The following SDK2 variants were observed in gnomAD, a reference collection of about 807,000 sequenced individuals.
SDK2 encodes the protein protein sidekick-2.
A neutral mutation model predicts 253.9 loss-of-function variants in SDK2; 105 were observed. The ratio of observed to expected loss-of-function variants is 0.41; its 90% confidence interval spans 0.35 to 0.49. SDK2 has a LOEUF of 0.49. SDK2 is among the 20% of genes least tolerant of loss of function. The probability of loss-of-function intolerance (pLI) is 0.06; values close to 1 mark genes in which losing one functional copy is unlikely to be tolerated. For synonymous variants in SDK2, 1,249 were observed against 1,234.9 expected (o/e 1.01, Z -0.24); for missense variants, 2,608 against 3,003.0 (o/e 0.87, Z 3.07).
chr17:73,359,601 C>T (rs1022023747), intron 39 of SDK2, among the ~76,000 whole-genome samples: 27 of 152,170 alleles, frequency 1.8e-4, no homozygotes, highest in Non-Finnish European at 3.1e-4. Context: ...GCATGTTCCC[C>T]GCCTGCAGAC....
At position 73,379,052 on chromosome 17, in the gene SDK2, C is replaced by T. The variant is rs552408220; in HGVS notation, c.4980+125G>A. 1.2e-4 allele frequency: 82 copies of T among 699,928 alleles called. No homozygotes were observed. Among genetic ancestry groups the T allele is most frequent in the African/African-American group, 7.8e-4 (44 of 56,418 alleles). 43.4% of individuals were successfully genotyped at this position (699,928 alleles called of 1,614,324 possible). On this transcript the variant is annotated intron_variant, in intron 36 of 44. Transcript: ENST00000392650. This position sits in a 1 kb window ranked among gnomAD's most constrained non-coding sequence, Gnocchi z 4.5. ...AGGTGTACCACAGAGCCTGAAGGGC[C>T]GAGGAGCTGGCTGGATGAATGGAGG...
At chr17:73,607,468 A>G (rs989266126) in intron 1 of SDK2, among the ~76,000 whole-genome samples, 1 of 152,052 alleles carries the variant, frequency 6.6e-6, no homozygotes, top group African/African-American at 2.4e-5. Context: ...CCCTTAAGAC[A>G]AAGATTGCTG....
Position 73,632,983 on chromosome 17 carries a change from C to T in SDK2, c.64+11042G>A, listed in dbSNP as rs1427783769. 2.0e-5 allele frequency among the ~76,000 whole-genome samples: 3 copies of T among 152,228 alleles called. No homozygotes were observed. In the East Asian group the frequency reaches 5.8e-4, roughly 29 times the overall value. The stretch of plus-strand genomic sequence containing the variant: ...ATGGAGTAGAATGCACATATTCACA[C>T]ATTTTAAAACTAAAATAGGCTGGGT... On this transcript the variant is annotated intron_variant, in intron 1 of 44. Transcript: ENST00000392650.
At chr17:73,483,563 GTA>G (rs1256715900) in intron 2 of SDK2, among the ~76,000 whole-genome samples, 4 of 135,314 alleles carry the variant, frequency 3.0e-5, no homozygotes, top group East Asian at 2.1e-4. Flanking sequence ...ATGTGTATAT[GTA>G]TATATATGTA....
chr17:73,393,259 A>G (rs1207412935), intron 27 of SDK2, among the ~76,000 whole-genome samples: 1 of 149,560 alleles, frequency 6.7e-6, no homozygotes, highest in African/African-American at 2.5e-5. Flanking sequence ...AAAAAAAAAA[A>G]AAAAAGAAAA....
intron 1 of SDK2, among the ~76,000 whole-genome samples, chr17:73,638,932 C>G (rs573729226): frequency 1.3e-5 from 2 of 151,788 alleles, no homozygotes; most frequent in South Asian, 4.2e-4. Flanking sequence ...GCCTCAGTCT[C>G]CCAAGTAGTT....
chr17:73,463,037 C>A (rs1037939179), intron 3 of SDK2, among the ~76,000 whole-genome samples: 2 of 152,206 alleles, frequency 1.3e-5, no homozygotes, highest in African/African-American at 4.8e-5. Flanking sequence ...TGCAGGAGTG[C>A]AGGCTAGAGG....
Position 73,394,234 on chromosome 17 carries a change from C to T in SDK2, c.3683G>A (p.Arg1228His), listed in dbSNP as rs376746309. ...VRWSEVPEAD[R>H]NGLVLGYKVM... ...CTTATAGCCCAGCACGAGCCCGTTG[C>T]GATCAGCCTCGGGGACCTCGCTCCA... The change falls in exon 26 of 45, where the codon CGC becomes CAC. Residue 1228 changes from arginine to histidine, a missense_variant. Arg to His is a conservative substitution (Grantham distance 29). Coordinates refer to ENST00000392650, the MANE Select transcript of SDK2 (RefSeq NM_001144952.2). 217 of 1,591,876 alleles carry T rather than the reference C, an allele frequency of 1.4e-4. 1 individual carries two copies. Among genetic ancestry groups the T allele is most frequent in the Non-Finnish European group, 1.5e-4 (180 of 1,165,718 alleles).
At chr17:73,582,918 G>T (rs1038822931) in intron 1 of SDK2, among the ~76,000 whole-genome samples, 1 of 152,164 alleles carries the variant, frequency 6.6e-6, no homozygotes, top group African/African-American at 2.4e-5. Context: ...TTGGGGCTGA[G>T]ACATTCTTCC....
rs959501587 is a variant in SDK2, at chr17:73,643,949, C to G, written c.64+76G>C. The G allele has an allele frequency of 1.9e-5, 22 of 1,132,672 alleles. No homozygotes were observed. Among genetic ancestry groups the G allele is most frequent in the Admixed American group, 1.6e-4 (8 of 49,252 alleles). 70.2% of individuals were successfully genotyped at this position (1,132,672 alleles called of 1,614,324 possible). On this transcript the variant is annotated intron_variant, in intron 1 of 44. Transcript: ENST00000392650. The surrounding 1 kb of genome is among the most constrained non-coding windows in gnomAD (Gnocchi z 6.9). ...GGTGTCCAGGAGGTCACCGTGAGGC[C>G]GGCCAGCTCCCGCCGCCCCTCCCCC...
At position 73,361,532 on chromosome 17, in the gene SDK2, G is replaced by T. The variant is rs1050504143; in HGVS notation, c.5467+152C>A. On this transcript the variant is annotated intron_variant, in intron 39 of 44. Transcript: ENST00000392650. This position sits in a 1 kb window ranked among gnomAD's most constrained non-coding sequence, Gnocchi z 4.1. ...CGTGGAGCCCGGGAGGAGGGAGCGG[G>T]GGGAGGGGTCACTGGGCACCAGGGG... is the stretch of plus-strand genomic sequence containing the variant. 6.6e-6 allele frequency among the ~76,000 whole-genome samples: 1 copy of T among 152,136 alleles called. No homozygotes were observed. Among genetic ancestry groups the T allele is most frequent in the Non-Finnish European group, 1.5e-5 (1 of 68,012 alleles).
intron 34 of SDK2, among the ~76,000 whole-genome samples, chr17:73,380,190 C>CT (rs1180638556): frequency 6.6e-6 from 1 of 152,166 alleles, no homozygotes; most frequent in Non-Finnish European, 1.5e-5. Flanking sequence ...CTTCCTTCCC[C>CT]TGGGTAGGTC....
At chr17:73,428,572 A>AACCGCAGTTACGTTTGCACCCACC (rs1242857720) in intron 12 of SDK2, among the ~76,000 whole-genome samples, 9 of 152,122 alleles carry the variant, frequency 5.9e-5, no homozygotes, top group African/African-American at 1.2e-4. Context: ...CAAAGGCAAA[A>AACCGCAGTTACGTTTGCACCCACC]ACCGCAGTTA....
intron 12 of SDK2, among the ~76,000 whole-genome samples, chr17:73,427,638 C>T (rs2063293460): frequency 1.9e-5 from 1 of 52,692 alleles, no homozygotes; most frequent in South Asian, 6.9e-4. Flanking sequence ...TTGACATCCA[C>T]ATGCAAAAAA....
At chr17:73,365,777 G>A (rs1383571567) in intron 37 of SDK2, among the ~76,000 whole-genome samples, 1 of 152,104 alleles carries the variant, frequency 6.6e-6, no homozygotes, top group Non-Finnish European at 1.5e-5. Context: ...TTTGGCTTTC[G>A]TGGAGAAGGT....
At chr17:73,543,629 G>A (rs1374368014) in intron 1 of SDK2, among the ~76,000 whole-genome samples, 1 of 152,248 alleles carries the variant, frequency 6.6e-6, no homozygotes, top group Non-Finnish European at 1.5e-5. Context: ...ATGTGGCCGT[G>A]AGTCTGAGCC....
Position 73,386,999 on chromosome 17 carries a change from T to G in SDK2, c.4395-451A>C, listed in dbSNP as rs2145486751. Among the ~76,000 whole-genome samples the G allele has an allele frequency of 1.3e-5, 2 of 152,328 alleles. 1 individual carries two copies. Among genetic ancestry groups the G allele is most frequent in the Middle Eastern group, 6.8e-3 (2 of 294 alleles). ...TTGTTGAGACAGAGTCTCACTCTGT[T>G]GCCCAGGCTGGAGTGCAGTGGTGCG... On this transcript the variant is annotated intron_variant, in intron 30 of 44. Coordinates refer to ENST00000392650, the MANE Select transcript of SDK2 (RefSeq NM_001144952.2).
chr17:73,566,383 G>A (rs1225754333), intron 1 of SDK2, among the ~76,000 whole-genome samples: 2 of 150,390 alleles, frequency 1.3e-5, no homozygotes, highest in African/African-American at 4.9e-5. Flanking sequence ...TTCCTTTACA[G>A]CAATGCAAAC....
intron 18 of SDK2, among the ~76,000 whole-genome samples, chr17:73,409,853 G>GTCTC (rs58109602): frequency 0.94 from 143,525 of 151,938 alleles, 67,970 homozygotes; most frequent in Non-Finnish European, 0.99. Flanking sequence ...GTCTGTCTCT[G>GTCTC]TCTCTCTCTT....
Sources: gnomAD v4.1 joint callset for allele counts (sites outside exome capture counted in the v4.1 genomes callset) on GRCh38, gnomAD v4.1.1 for gene constraint, Gnocchi (gnomAD v3.1) non-coding constraint, MANE v1.5 for transcripts, NCBI Gene and HGNC (gene_info 2026-07-23, HGNC 2026-07-21) for gene names.